The following ANK1 variants were observed in gnomAD, a reference collection of about 807,000 sequenced individuals.
The protein encoded by ANK1 is ankyrin-1.
A neutral mutation model predicts 210.4 loss-of-function variants in ANK1; 51 were observed. The ratio of observed to expected loss-of-function variants is 0.24; its 90% CI spans 0.19 to 0.31. The LOEUF is 0.31. Among genes scored for constraint, ANK1 ranks in the 10% least tolerant of loss-of-function variants. The pLI is 1.00. For missense variants in ANK1, 2,051 were observed against 2,504.4 expected, an observed-to-expected ratio of 0.82 and a Z score of 3.86; for synonymous variants, 967 against 1,025.9, an observed-to-expected ratio of 0.94 and a Z score of 1.10.
Position 41,810,328 on chromosome 8 carries a change from T to A in ANK1, c.127-52191A>T, listed in dbSNP as rs553391458. Among the ~76,000 whole-genome samples, 8 of 152,372 alleles carry A rather than the reference T, an allele frequency of 5.3e-5. No homozygotes were observed. In the East Asian group the frequency reaches 1.5e-3, roughly 29 times the overall value. On this transcript the variant is annotated intron_variant, in intron 1 of 42. Coordinates refer to the ANK1 transcript ENST00000265709. ...ACAACTTAGCTGAAGAATCAGCGAA[T>A]CTGCGGTTTCATGTCAGGAGGTATA...
chr8:41,655,817 CCACA>C, intron 42 of ANK1, 64 bp from the exon 43 acceptor site: 1 of 1,557,680 alleles, frequency 6.4e-7, no homozygotes. Flanking sequence ...AGCAAAAACC[CCACA>C]CACAGAGTTT....
intron 2 of ANK1, 42 bp downstream of exon 2, chr8:41,757,994 G>C (rs2150712727): frequency 6.5e-7 from 1 of 1,542,678 alleles, no homozygotes; most frequent in South Asian, 1.1e-5. Flanking sequence ...TCAGGCAAGA[G>C]CTACTCTTCA....
intron 20 of ANK1, among the ~76,000 whole-genome samples, chr8:41,703,439 TATA>T (rs1563491648): frequency 1.4e-5 from 1 of 73,034 alleles, no homozygotes; most frequent in African/African-American, 4.8e-5. Flanking sequence ...TATATATATA[TATA>T]TATATATATT....
chr8:41,708,214 C>CT (rs33910911), intron 17 of ANK1, among the ~76,000 whole-genome samples: 21 of 151,434 alleles, frequency 1.4e-4, no homozygotes, highest in South Asian at 2.1e-4. Context: ...GATTTTTAGT[C>CT]TTTTTTTTTG....
intron 1 of ANK1, among the ~76,000 whole-genome samples, chr8:41,759,249 T>C (rs543508678): frequency 1.3e-5 from 2 of 152,328 alleles, no homozygotes; most frequent in South Asian, 2.1e-4. Context: ...GGCTCAAACC[T>C]GTAATCCCAG....
intron 2 of ANK1, among the ~76,000 whole-genome samples, chr8:41,734,722 G>A (rs1833005291): frequency 6.6e-6 from 1 of 150,966 alleles, no homozygotes; most frequent in African/African-American, 2.4e-5. Context: ...TGAAACCCTA[G>A]CTCTACAAAA....
At chr8:41,794,302 C>A (rs547588916) in intron 1 of ANK1, among the ~76,000 whole-genome samples, 2 of 152,306 alleles carry the variant, frequency 1.3e-5, no homozygotes, top group South Asian at 4.1e-4. Flanking sequence ...CTGCTTCAAC[C>A]ACACTGGCCT....
chr8:41,825,893 T>C (rs1805290384), intron 1 of ANK1, among the ~76,000 whole-genome samples: 1 of 152,212 alleles, frequency 6.6e-6, no homozygotes, highest in Non-Finnish European at 1.5e-5. Flanking sequence ...CTTTGCCTTC[T>C]GCCATGATTG....
At chr8:41,833,870 G>A (rs371649027) in intron 1 of ANK1, among the ~76,000 whole-genome samples, 3 of 152,304 alleles carry the variant, frequency 2.0e-5, no homozygotes, top group African/African-American at 7.2e-5. Flanking sequence ...CTGCAGGATT[G>A]GACTAAGAGC....
chr8:41,731,152 G>A (rs1436750077), intron 3 of ANK1, among the ~76,000 whole-genome samples: 1 of 152,220 alleles, frequency 6.6e-6, no homozygotes, highest in African/African-American at 2.4e-5. Flanking sequence ...GGCTCAAGAA[G>A]GCCCCTGGCC....
chr8:41,737,946 C>T (rs952017233), intron 2 of ANK1, among the ~76,000 whole-genome samples: 3 of 152,162 alleles, frequency 2.0e-5, no homozygotes, highest in Non-Finnish European at 4.4e-5. Flanking sequence ...TGGCCCTGTG[C>T]TAGAAATGAA....
chr8:41,735,815 A>G (rs1386266255), intron 2 of ANK1, among the ~76,000 whole-genome samples: 2 of 152,210 alleles, frequency 1.3e-5, no homozygotes, highest in African/African-American at 4.8e-5. Flanking sequence ...GGGACCTTGG[A>G]TGCAGCAAAT....
chr8:41,896,580 C>T (rs1197508869), exon 1 of ANK1: 8 of 1,414,028 alleles, frequency 5.7e-6, no homozygotes, highest in African/African-American at 1.5e-5. Context: ...CTCTGCTCCA[C>T]AGAGGGGACA....
chr8:41,857,533 G>A (rs1812433517), intron 1 of ANK1, among the ~76,000 whole-genome samples: 1 of 151,994 alleles, frequency 6.6e-6, no homozygotes, highest in African/African-American at 2.4e-5. Flanking sequence ...GAGGTTGGGA[G>A]TTCGAGACCA....
chr8:41,781,761 G>T (rs1217121987), intron 1 of ANK1, among the ~76,000 whole-genome samples: 1 of 152,142 alleles, frequency 6.6e-6, no homozygotes, highest in East Asian at 1.9e-4. Context: ...ACAGACCCCC[G>T]ACTCAGGGCG....
chr8:41,802,178 CAG>C (rs1181309356), upstream of ANK1, among the ~76,000 whole-genome samples: 1 of 152,046 alleles, frequency 6.6e-6, no homozygotes, highest in Admixed American at 6.6e-5. Flanking sequence ...TTAGTAGAGA[CAG>C]GGTGTCACCA....
rs184620490 is a variant in ANK1 at position 41,672,984 on chromosome 8, G to A, written c.4538-72C>T. 6.1e-4 allele frequency: 851 copies of A among 1,406,168 alleles called. 1 individual carries two copies. Among genetic ancestry groups the A allele is most frequent in the Middle Eastern group, 5.0e-3 (21 of 4,184 alleles). The allele number at this position is 1,406,168 out of a possible 1,614,324, so 87.1% of individuals were successfully genotyped here. On this transcript the variant is annotated intron_variant, in intron 37 of 42. Transcript: ENST00000289734. Reference sequence around the variant, plus strand: ...CCCACCCATTCACGTGCAGGTCCACGCACACGCACGAACACACACATGCGG... The same window carrying A: ...CCCACCCATTCACGTGCAGGTCCACACACACGCACGAACACACACATGCGG...
upstream of ANK1, among the ~76,000 whole-genome samples, chr8:41,797,801 C>T (rs1849083054): frequency 6.6e-6 from 1 of 152,148 alleles, no homozygotes; most frequent in South Asian, 2.1e-4. This position sits in a 1 kb window ranked among gnomAD's most constrained non-coding sequence, Gnocchi z 4.0. Context: ...CAGGCCTCGG[C>T]CGGCGCGGAC....
rs181204187 is a variant in ANK1, at chr8:41,665,448, C to T, written c.5395-1706G>A. Reference sequence around the variant, plus strand: ...TGCCTAACCCCGCCCTGCCCAGAGACCTGGAAGTGGGGGCTCGGCCTCTCA... The same window carrying T: ...TGCCTAACCCCGCCCTGCCCAGAGATCTGGAAGTGGGGGCTCGGCCTCTCA... On this transcript the variant is annotated intron_variant, in intron 39 of 42. Coordinates refer to ENST00000289734, the MANE Select transcript of ANK1 (RefSeq NM_000037.4). 2.1e-3 allele frequency: 867 copies of T among 407,676 alleles called. 7 individuals carry two copies. The highest frequency in any genetic ancestry group is 0.011 in the Middle Eastern group (12 of 1,078). The allele number at this position is 407,676 out of a possible 1,614,324, so 25.3% of individuals were successfully genotyped here.
Sources: allele counts gnomAD v4.1 joint callset (sites outside exome capture counted in the v4.1 genomes callset), GRCh38; gene constraint gnomAD v4.1.1; non-coding constraint Gnocchi (gnomAD v3.1); transcripts MANE v1.5; gene names NCBI Gene and HGNC (gene_info 2026-07-23, HGNC 2026-07-21).